The following GRIP1 variants were observed in gnomAD, a reference collection of about 807,000 sequenced individuals.
GRIP1 encodes the protein glutamate receptor-interacting protein 1.
A neutral mutation model predicts 129.9 loss-of-function variants in GRIP1; 45 were observed. The observed-to-expected ratio is 0.35, with a 90% CI of 0.27 to 0.44. The LOEUF is 0.44. Ranked by LOEUF, GRIP1 falls within the 20% of genes least tolerant of loss-of-function variation. GRIP1 has a pLI of 1.00. For synonymous variants in GRIP1, 530 were observed against 520.8 expected (o/e 1.02, Z -0.24); for missense variants, 1,196 against 1,396.8 (o/e 0.86, Z 2.29).
chr12:66,820,818 T>A (rs201192147), intron 1 of GRIP1, among the ~76,000 whole-genome samples: 76 of 144,378 alleles, frequency 5.3e-4, no homozygotes, highest in African/African-American at 1.8e-3. Context: ...GGGAGACAAT[T>A]AAAAAAAAAA....
chr12:66,976,993 A>G (rs1179298320), intron 1 of GRIP1, among the ~76,000 whole-genome samples: 2 of 152,178 alleles, frequency 1.3e-5, no homozygotes, highest in Non-Finnish European at 2.9e-5. Context: ...CTGAATATAA[A>G]TTGTAGCTAA....
intron 6 of GRIP1, among the ~76,000 whole-genome samples, 165 bp downstream of exon 6, chr12:66,517,736 T>A (rs552025568): frequency 6.6e-6 from 1 of 151,632 alleles, no homozygotes; most frequent in Non-Finnish European, 1.5e-5. Flanking sequence ...AGGCAAACCT[T>A]TTTTTTTTCT....
chr12:66,631,375 A>C (rs911404990), intron 1 of GRIP1, among the ~76,000 whole-genome samples: 1 of 152,204 alleles, frequency 6.6e-6, no homozygotes, highest in Non-Finnish European at 1.5e-5. Flanking sequence ...CATCTTGTAC[A>C]TTATAGGCAC....
chr12:66,590,270 T>C (rs2063806587), intron 2 of GRIP1, among the ~76,000 whole-genome samples: 1 of 152,224 alleles, frequency 6.6e-6, no homozygotes, highest in African/African-American at 2.4e-5. Flanking sequence ...GGAAGAATTA[T>C]TGTTTAAAAA....
At chr12:66,390,413 C>A (rs955824852) in intron 19 of GRIP1, among the ~76,000 whole-genome samples, 7 of 152,192 alleles carry the variant, frequency 4.6e-5, no homozygotes, top group African/African-American at 1.7e-4. Context: ...CTCTACTTAT[C>A]CCTCAGTTCC....
intron 1 of GRIP1, among the ~76,000 whole-genome samples, chr12:66,713,528 A>T (rs1171970035): frequency 8.0e-6 from 1 of 125,124 alleles, no homozygotes; most frequent in Non-Finnish European, 1.7e-5. Context: ...AGAGACCAAA[A>T]GTCAAGATAT....
At chr12:66,470,133 C>T (rs896710557) in intron 7 of GRIP1, among the ~76,000 whole-genome samples, 1 of 152,174 alleles carries the variant, frequency 6.6e-6, no homozygotes, top group Non-Finnish European at 1.5e-5. Flanking sequence ...TTCACCTTCC[C>T]CAATCCAGAG....
At chr12:66,906,732 T>C (rs911656426) in intron 1 of GRIP1, among the ~76,000 whole-genome samples, 1 of 152,204 alleles carries the variant, frequency 6.6e-6, no homozygotes, top group Non-Finnish European at 1.5e-5. Flanking sequence ...TTGGTGTTTA[T>C]TGGGCACCTA....
chr12:66,666,516 A>T (rs1036460375), intron 1 of GRIP1, among the ~76,000 whole-genome samples: 5 of 152,168 alleles, frequency 3.3e-5, no homozygotes, highest in African/African-American at 1.2e-4. Flanking sequence ...AAATTCTATC[A>T]TATTATAATT....
intron 1 of GRIP1, among the ~76,000 whole-genome samples, chr12:66,597,238 T>C (rs1836373964): frequency 6.6e-6 from 1 of 152,198 alleles, no homozygotes; most frequent in African/African-American, 2.4e-5. Context: ...ATACAAATTA[T>C]TTGTCACCTA....
intron 1 of GRIP1, among the ~76,000 whole-genome samples, chr12:66,859,283 ACAAAAAAACAAAAAAAC>A (rs1419309724): frequency 5.3e-4 from 8 of 15,178 alleles, no homozygotes; most frequent in African/African-American, 1.0e-3. Flanking sequence ...AAACAAAAAA[ACAAAAAAACAAAAAAAC>A]AAAAAAAAAC....
intron 1 of GRIP1, among the ~76,000 whole-genome samples, chr12:67,044,579 T>C (rs1391381341): frequency 6.6e-6 from 1 of 152,232 alleles, no homozygotes; most frequent in Non-Finnish European, 1.5e-5. Context: ...TCATAATTAC[T>C]GTAAAATTCC....
At chr12:66,591,691 G>T (rs2037156893) in intron 2 of GRIP1, among the ~76,000 whole-genome samples, 1 of 152,020 alleles carries the variant, frequency 6.6e-6, no homozygotes, top group Non-Finnish European at 1.5e-5. Context: ...GAACAGTGGT[G>T]CAATCAAGAT....
Position 66,679,008 on chromosome 12 carries a change from G to T in GRIP1, c.-104C>A, listed in dbSNP as rs1357621075. 6.3e-7 allele frequency: 1 copy of T among 1,589,332 alleles called. No individual in the cohort carries two copies. ...TCCTTGCGCACATACCAGGAGAAAG[G>T]TAGTCCCAGTGGGGAGTGACAAAGC... On this transcript the variant is annotated 5_prime_UTR_variant, in exon 1 of 25. Coordinates refer to ENST00000359742, the MANE Select transcript of GRIP1 (RefSeq NM_001366722.1).
intron 1 of GRIP1, among the ~76,000 whole-genome samples, chr12:67,063,692 C>A (rs1040504434): frequency 6.6e-5 from 10 of 152,050 alleles, no homozygotes; most frequent in Admixed American, 6.5e-4. Context: ...AATAGTTTGC[C>A]ATCTGCAGCA....
chr12:66,965,138 A>G (rs2041977174), intron 1 of GRIP1, among the ~76,000 whole-genome samples: 1 of 152,078 alleles, frequency 6.6e-6, no homozygotes, highest in Non-Finnish European at 1.5e-5. Flanking sequence ...ATATTCTATA[A>G]TCGATTCATT....
chr12:66,416,958 C>CAAAGA (rs974833182), intron 15 of GRIP1, among the ~76,000 whole-genome samples: 24 of 151,320 alleles, frequency 1.6e-4, no homozygotes, highest in Middle Eastern at 6.8e-3. Flanking sequence ...CACACACACA[C>CAAAGA]AAAGAAAAGA....
chr12:66,405,399 T>G (rs1465945053), intron 16 of GRIP1, among the ~76,000 whole-genome samples: 1 of 152,220 alleles, frequency 6.6e-6, no homozygotes, highest in Non-Finnish European at 1.5e-5. Context: ...GAATGGACAC[T>G]TTTCAATTGG....
intron 2 of GRIP1, among the ~76,000 whole-genome samples, chr12:66,545,986 G>T (rs1398529511): frequency 6.6e-6 from 1 of 152,128 alleles, no homozygotes; most frequent in Non-Finnish European, 1.5e-5. Context: ...CATGGACTGG[G>T]AGACTCAGCA....
Sources: gnomAD v4.1 joint callset for allele counts (sites outside exome capture counted in the v4.1 genomes callset) on GRCh38, gnomAD v4.1.1 for gene constraint, MANE v1.5 for transcripts, NCBI Gene and HGNC (gene_info 2026-07-23, HGNC 2026-07-21) for gene names.